Variants in PCDH7 observed in about 807,000 individuals in gnomAD.
PCDH7 encodes the protein protocadherin-7.
Under a neutral mutation model 58.9 loss-of-function variants are expected in PCDH7, and 17 were observed. That is an observed-to-expected ratio of 0.29 (90% confidence interval 0.20 to 0.43). The LOEUF (loss-of-function observed/expected upper bound fraction) is 0.43, where lower values mean the gene tolerates loss of function less well. Ranked by LOEUF, PCDH7 falls within the 20% of genes least tolerant of loss-of-function variation. The pLI, the probability that PCDH7 is intolerant of heterozygous loss-of-function variation, is 1.00. For synonymous variants in PCDH7, 664 were observed against 616.4 expected (o/e 1.08, Z -1.14); for missense variants, 1,274 against 1,441.0 (o/e 0.88, Z 1.88).
intron 1 of PCDH7, among the ~76,000 whole-genome samples, chr4:30,767,855 A>G (rs1720945958): frequency 6.6e-6 from 1 of 152,240 alleles, no homozygotes; most frequent in South Asian, 2.1e-4. Flanking sequence ...CTTCTGAAAC[A>G]AACATCAATA....
At chr4:30,724,367 C>T in exon 1 of PCDH7, 1 of 1,614,040 alleles carries the variant, frequency 6.2e-7, no homozygotes, top group East Asian at 2.2e-5. Flanking sequence ...CGATACAGGT[C>T]CGTTAATGGT....
intron 1 of PCDH7, among the ~76,000 whole-genome samples, chr4:30,787,721 G>A (rs1723598569): frequency 6.6e-6 from 1 of 152,042 alleles, no homozygotes; most frequent in Admixed American, 6.6e-5. Context: ...CTCAATTGAA[G>A]ATACTGTATA....
chr4:31,119,033 T>C (rs1187340491), intron 3 of PCDH7, among the ~76,000 whole-genome samples: 1 of 152,184 alleles, frequency 6.6e-6, no homozygotes, highest in Non-Finnish European at 1.5e-5. Flanking sequence ...CATTTTTTTT[T>C]TCCTAATGCA....
At chr4:30,802,269 T>C (rs958559123) in intron 1 of PCDH7, among the ~76,000 whole-genome samples, 18 of 147,248 alleles carry the variant, frequency 1.2e-4, no homozygotes, top group Admixed American at 6.1e-4. Context: ...TTTCTAATAG[T>C]TTCATCAGTA....
intron 1 of PCDH7, among the ~76,000 whole-genome samples, chr4:30,869,568 A>C (rs1222587146): frequency 6.6e-6 from 1 of 152,190 alleles, no homozygotes; most frequent in Non-Finnish European, 1.5e-5. Flanking sequence ...TTTGCTGAGA[A>C]GGATGGTTTC....
In PCDH7 at chr4:30,887,454, T is replaced by C. The variant is rs192766401; in HGVS notation, c.71-32699T>C. ...ATAGTAGGCACTCAATAAATGGTTA[T>C]TGAACTGTCTATAATACAATGGACC... On this transcript the variant is annotated intron_variant, in intron 1 of 3. Coordinates refer to the PCDH7 transcript ENST00000509759. 4.7e-3 allele frequency among the ~76,000 whole-genome samples: 715 copies of C among 152,250 alleles called. 2 individuals carry two copies. The highest frequency in any genetic ancestry group is 8.6e-3 in the Non-Finnish European group (583 of 68,020).
At chr4:31,009,672 T>C (rs57387722) in intron 3 of PCDH7, among the ~76,000 whole-genome samples, 8,131 of 152,042 alleles carry the variant, frequency 0.053, 313 homozygotes, top group Admixed American at 0.12. Flanking sequence ...ATCCTTGGTC[T>C]ACACAGCAAG....
chr4:30,943,982 G>A (rs530862560), intron 2 of PCDH7, among the ~76,000 whole-genome samples: 1 of 152,152 alleles, frequency 6.6e-6, no homozygotes, highest in South Asian at 2.1e-4. Flanking sequence ...TTGCTCCAGT[G>A]TGGCCTCCGT....
At chr4:30,920,316 A>G in exon 2 of PCDH7, 2 of 1,367,634 alleles carry the variant, frequency 1.5e-6, no homozygotes, top group Non-Finnish European at 9.8e-7. Context: ...GAGGACAACT[A>G]TGAAAGGACC....
intron 3 of PCDH7, among the ~76,000 whole-genome samples, chr4:31,001,323 A>C (rs1366839913): frequency 6.6e-6 from 1 of 152,142 alleles, no homozygotes; most frequent in African/African-American, 2.4e-5. Flanking sequence ...TATATTTTAA[A>C]CCTGGTTAAA....
chr4:30,840,132 G>T (rs1323655181), intron 1 of PCDH7, among the ~76,000 whole-genome samples: 1 of 151,078 alleles, frequency 6.6e-6, no homozygotes, highest in Non-Finnish European at 1.5e-5. Flanking sequence ...ATATTGGTAT[G>T]CATTTCTTTT....
intron 1 of PCDH7, among the ~76,000 whole-genome samples, chr4:30,815,910 C>T (rs1727613636): frequency 6.6e-6 from 1 of 152,164 alleles, no homozygotes; most frequent in Non-Finnish European, 1.5e-5. Flanking sequence ...CCCTGTCCTG[C>T]CCTGCTAATG....
intron 3 of PCDH7, among the ~76,000 whole-genome samples, chr4:30,990,320 T>C (rs1469063395): frequency 6.6e-6 from 1 of 151,988 alleles, no homozygotes; most frequent in African/African-American, 2.4e-5. Flanking sequence ...ACACTATATA[T>C]ACACAATATA....
At chr4:30,773,057 A>G (rs1261812929) in intron 1 of PCDH7, among the ~76,000 whole-genome samples, 2 of 152,112 alleles carry the variant, frequency 1.3e-5, no homozygotes, top group African/African-American at 4.8e-5. Context: ...ATGTGCCACC[A>G]CACAACCAGC....
intron 3 of PCDH7, among the ~76,000 whole-genome samples, chr4:31,083,591 C>T (rs893595783): frequency 1.3e-5 from 2 of 152,176 alleles, no homozygotes; most frequent in African/African-American, 2.4e-5. Context: ...TAAAGGATTA[C>T]GTTCTTAATC....
At chr4:30,899,454 C>A (rs1331031012) in intron 1 of PCDH7, among the ~76,000 whole-genome samples, 1 of 152,158 alleles carries the variant, frequency 6.6e-6, no homozygotes, top group African/African-American at 2.4e-5. Context: ...GTGCTACTAC[C>A]TGTAGCTCCC....
At chr4:30,833,123 A>T (rs193120835) in intron 1 of PCDH7, among the ~76,000 whole-genome samples, 1 of 152,172 alleles carries the variant, frequency 6.6e-6, no homozygotes, top group Non-Finnish European at 1.5e-5. Context: ...GTGTGTGTGC[A>T]TGCATGTGGG....
intron 3 of PCDH7, among the ~76,000 whole-genome samples, chr4:31,058,185 AAC>A (rs10565780): frequency 0.12 from 18,258 of 152,038 alleles, 1,321 homozygotes; most frequent in East Asian, 0.26. Context: ...CTCAACAAAC[AAC>A]ACACACACGC....
At chr4:30,791,788 C>G (rs1724151247) in intron 1 of PCDH7, among the ~76,000 whole-genome samples, 2 of 152,132 alleles carry the variant, frequency 1.3e-5, no homozygotes, top group Non-Finnish European at 2.9e-5. Flanking sequence ...CTGTCACAAA[C>G]CGATGATGAA....
Sources: gnomAD v4.1 joint callset for allele counts (sites outside exome capture counted in the v4.1 genomes callset) on GRCh38, gnomAD v4.1.1 for gene constraint, MANE v1.5 for transcripts, NCBI Gene and HGNC (gene_info 2026-07-23, HGNC 2026-07-21) for gene names.